Variants in TAS2R30 observed in about 807,000 individuals in gnomAD.
TAS2R30 encodes the protein taste receptor type 2 member 30.
For synonymous variants in TAS2R30, 141 were observed against 131.6 expected (o/e 1.07, Z -0.49); for missense variants, 395 against 371.6 (o/e 1.06, Z -0.52).
chr12:11,133,534 T>C (rs760852000), exon 1 of TAS2R30: 38 of 1,614,012 alleles, frequency 2.4e-5, no homozygotes, highest in Non-Finnish European at 3.0e-5. Context: ...AAATGGCACA[T>C]AACAGAAGAA....
chr12:11,133,028 T>TTC (rs200678880), exon 1 of TAS2R30: 2,241 of 285,904 alleles, frequency 7.8e-3, no homozygotes, highest in Admixed American at 0.02. Flanking sequence ...GGCTTCATAA[T>TTC]TGAGGAATTT....
chr12:11,133,668 T>G (rs138949168), exon 1 of TAS2R30: 5 of 1,614,128 alleles, frequency 3.1e-6, no homozygotes, highest in African/African-American at 2.7e-5. Context: ...AGAAAAGATA[T>G]CAGGGTCAGA....
chr12:11,134,233 A>G, exon 1 of TAS2R30: 1 of 1,612,810 alleles, frequency 6.2e-7, no homozygotes, highest in Non-Finnish European at 8.5e-7. Context: ...TGATGGGCAG[A>G]AAAGTTATCA....
exon 1 of TAS2R30, chr12:11,134,447 G>A: frequency 1.7e-6 from 1 of 601,956 alleles, no homozygotes; most frequent in East Asian, 2.9e-5. Context: ...TCTCTTTATG[G>A]AAAACATTCT....
chr12:11,133,573 G>C (rs779911451), exon 1 of TAS2R30: 1 of 1,614,114 alleles, frequency 6.2e-7, no homozygotes, highest in Admixed American at 1.7e-5. Flanking sequence ...AAGCTTTTAT[G>C]TGGACCTTGG....
chr12:11,133,120 T>TATACAC, exon 1 of TAS2R30: 1 of 496,930 alleles, frequency 2.0e-6, no homozygotes, highest in Non-Finnish European at 3.1e-6. Context: ...CAGTTTTTCA[T>TATACAC]ACACACACAC....
exon 1 of TAS2R30, chr12:11,133,396 G>C: frequency 6.2e-7 from 1 of 1,613,890 alleles, no homozygotes; most frequent in Non-Finnish European, 8.5e-7. Context: ...TTAGCTTCTT[G>C]TTTCCCAAAA....
At position 11,134,583 on chromosome 12, in the gene TAS2R30, GT is replaced by G. The variant is rs1946491041; in HGVS notation, c.-340del. On this transcript the variant is annotated 5_prime_UTR_variant, in exon 1 of 1. It removes the in-frame stop codon of an upstream open reading frame in the 5' UTR. Transcript: ENST00000539585. ...TTTGCTAGTATGCAAACAAGGACAT[GT>G]TCACTTCCAGTGTTTGCAATTTTTC... 1 of 256,056 alleles carries G rather than the reference GT, an allele frequency of 3.9e-6. No homozygotes were observed. Among genetic ancestry groups the G allele is most frequent in the South Asian group, 6.6e-5 (1 of 15,162 alleles). 15.9% of individuals were successfully genotyped at this position (256,056 alleles called of 1,614,324 possible).
exon 1 of TAS2R30, chr12:11,133,353 T>C: frequency 6.2e-7 from 1 of 1,613,866 alleles, no homozygotes; most frequent in South Asian, 1.1e-5. Context: ...ACCCAGTACC[T>C]CACATGCCGC....
chr12:11,133,465 G>C (rs762769697), exon 1 of TAS2R30: 23 of 1,613,962 alleles, frequency 1.4e-5, no homozygotes, highest in Non-Finnish European at 1.9e-5. Flanking sequence ...AGAACATGAA[G>C]ACAGGTTGCT....
At chr12:11,133,446 T>C (rs776574555) in exon 1 of TAS2R30, 5 of 1,613,892 alleles carry the variant, frequency 3.1e-6, no homozygotes, top group Non-Finnish European at 3.4e-6. Context: ...CTGAATATAA[T>C]AGCTTGGCAG....
exon 1 of TAS2R30, chr12:11,134,135 T>C (rs1946476212): frequency 6.2e-7 from 1 of 1,614,018 alleles, no homozygotes; most frequent in African/African-American, 1.3e-5. Context: ...CTTTTGTCTC[T>C]TGACCCACTC....
At chr12:11,134,122 G>C in exon 1 of TAS2R30, 1 of 1,614,134 alleles carries the variant, frequency 6.2e-7, no homozygotes, top group Admixed American at 1.7e-5. Context: ...CAACAAAGGA[G>C]ATCTTTTGTC....
chr12:11,134,016 T>C lies in TAS2R30; in HGVS notation c.229A>G (p.Ser77Gly), dbSNP rs755137562. 4 of 1,613,998 alleles carry C rather than the reference T, an allele frequency of 2.5e-6. No individual in the cohort carries two copies. In the African/African-American group the frequency reaches 5.3e-5, roughly 22 times the overall value. Reference sequence around the variant, plus strand: ...TAAGCAGTAATTCTTACTTCTACACTATAAAAAGCTGGATTCAACTGAGTT... The same window carrying C: ...TAAGCAGTAATTCTTACTTCTACACCATAAAAAGCTGGATTCAACTGAGTT... Residue 77 changes from serine to glycine, a missense_variant, in exon 1 of 1, where the codon AGT (serine) becomes GGT (glycine). Physicochemically the swap from Ser to Gly is moderately conservative, Grantham distance 56 (BLOSUM62 0). Coordinates refer to ENST00000539585, the Ensembl canonical transcript of TAS2R30.
In TAS2R30 at chr12:11,133,751, T is replaced by C. The variant is rs777514932; in HGVS notation, c.494A>G (p.Lys165Arg). Residue 165 changes from lysine to arginine, a missense_variant, in exon 1 of 1, where the codon AAG becomes AGG. By Grantham distance (26) the Lys-to-Arg change is conservative. Coordinates refer to ENST00000539585, the Ensembl canonical transcript of TAS2R30. ...GTACATTGCACTCCTCAATTTGATC[T>C]TCCAAGTCACGTTTCCTTCATATTC... is the stretch of plus-strand genomic sequence containing the variant. 2.5e-6 allele frequency: 4 copies of C among 1,614,088 alleles called. No homozygotes were observed. The East Asian group carries it at 8.9e-5, about 36-fold the overall frequency.
the TAS2R30 span, chr12:11,133,857 GA>G: frequency 1.9e-6 from 3 of 1,614,006 alleles, no homozygotes; most frequent in Non-Finnish European, 2.5e-6. Flanking sequence ...AGTATCACCA[GA>G]ACAACACTCT....
At chr12:11,133,712 G>A (rs1315006443) in exon 1 of TAS2R30, 2 of 1,614,056 alleles carry the variant, frequency 1.2e-6, no homozygotes, top group South Asian at 1.1e-5. Flanking sequence ...CATGGTTAGA[G>A]TCATATTTGA....
chr12:11,133,079 C>A (rs1363613337), exon 1 of TAS2R30: 4 of 586,454 alleles, frequency 6.8e-6, no homozygotes, highest in African/African-American at 3.9e-5. Flanking sequence ...TGTGAAAAAA[C>A]AATAAAAAGC....
chr12:11,133,313 A>T, exon 1 of TAS2R30: 1 of 1,613,174 alleles, frequency 6.2e-7, no homozygotes, highest in South Asian at 1.1e-5. Flanking sequence ...CCCTCTTGTG[A>T]ATCTATGGAG....
Sources: gnomAD v4.1 joint callset for allele counts on GRCh38, gnomAD v4.1.1 for gene constraint, MANE v1.5 for transcripts, NCBI Gene and HGNC (gene_info 2026-07-23, HGNC 2026-07-21) for gene names.